ABCC8: variants seen among roughly 807,000 people sequenced by gnomAD.
ABCC8 encodes the protein ATP-binding cassette sub-family C member 8.
A neutral mutation model predicts 188.0 loss-of-function variants in ABCC8; 137 were observed. The ratio of observed to expected loss-of-function variants is 0.73; its 90% CI spans 0.63 to 0.84. The LOEUF is 0.84. Among genes scored for constraint, ABCC8 ranks in the 40% least tolerant of loss-of-function variants. The pLI, the probability that ABCC8 is intolerant of heterozygous loss-of-function variation, is 0.00. For missense variants in ABCC8, 1,750 were observed against 2,072.7 expected, an observed-to-expected ratio of 0.84 and a Z score of 3.02; for synonymous variants, 797 against 846.5, an observed-to-expected ratio of 0.94 and a Z score of 1.01.
rs758754046 is a variant in ABCC8 at position 17,463,523 on chromosome 11, G to T, written c.494C>A (p.Ser165Ter). The change falls in exon 4 of 39, where the codon TCG becomes TAG. Residue 165 changes from serine to a stop codon, truncating the protein, a stop_gained. Transcript: ENST00000389817. LOFTEE classifies it high-confidence loss of function. ...CCCTGTGAGGCAGAAGCGTAGCTGC[G>T]AGAAGCCGATGGCGTGGTCCAAGAA... ...VKFLDHAIGF[S>*]QLRFCLTGLL... 1 of 1,599,582 alleles carries T rather than the reference G, an allele frequency of 6.3e-7. No individual in the cohort carries two copies. The highest frequency in any genetic ancestry group is 8.5e-7 in the Non-Finnish European group (1 of 1,173,382).
rs764495675 is a variant in ABCC8, at chr11:17,427,136, A to G, written c.2135T>C (p.Val712Ala). 4 of 1,613,306 alleles carry G rather than the reference A, an allele frequency of 2.5e-6. No homozygotes were observed. The highest frequency in any genetic ancestry group is 3.4e-6 in the Non-Finnish European group (4 of 1,179,688). The stretch of plus-strand genomic sequence containing the variant: ...GGACTTGCCGCAGCCCACCTGCCCC[A>G]CGATCATAGTCAGCTGGCCTGCAGG... ...RIPRGQLTMIVGQVGCGKSSL... is the reference protein window; with the variant it reads ...RIPRGQLTMIAGQVGCGKSSL... The change falls in exon 16 of 39, where the codon GTG becomes GCG. Residue 712 changes from valine to alanine, a missense_variant. Physicochemically the swap from Val to Ala is moderately conservative, Grantham distance 64 (BLOSUM62 0). Coordinates refer to ENST00000389817, the MANE Select transcript of ABCC8 (RefSeq NM_000352.6). This position sits in a 1 kb window ranked among gnomAD's most constrained non-coding sequence, Gnocchi z 5.0.
At chr11:17,397,893 C>T (rs1954027346) in intron 30 of ABCC8, 96 bp from the exon 31 acceptor site, 3 of 1,542,922 alleles carry the variant, frequency 1.9e-6, no homozygotes. Context: ...GCAGCTCAGC[C>T]AGGCCTCCAC....
At chr11:17,415,956 G>C (rs1462790084) in intron 17 of ABCC8, among the ~76,000 whole-genome samples, 1 of 152,208 alleles carries the variant, frequency 6.6e-6, no homozygotes, top group Non-Finnish European at 1.5e-5. Flanking sequence ...AGCTGCTCCC[G>C]TGTCAAATAT....
At chr11:17,439,890 A>T (rs937995038) in intron 10 of ABCC8, among the ~76,000 whole-genome samples, 2 of 152,092 alleles carry the variant, frequency 1.3e-5, no homozygotes, top group African/African-American at 4.8e-5. Flanking sequence ...CAGGCCCATC[A>T]CAAAGCCACG....
At chr11:17,431,464 G>A (rs939294790) in intron 11 of ABCC8, among the ~76,000 whole-genome samples, 16 of 152,218 alleles carry the variant, frequency 1.1e-4, no homozygotes, top group African/African-American at 3.4e-4. Flanking sequence ...AAGTGTATCC[G>A]ACAGGCTGTG....
At chr11:17,463,934 T>C (rs1351837205) in intron 3 of ABCC8, among the ~76,000 whole-genome samples, 1 of 152,244 alleles carries the variant, frequency 6.6e-6, no homozygotes, top group Non-Finnish European at 1.5e-5. Context: ...AAGTAAGCAC[T>C]TTAAACACAT....
intron 21 of ABCC8, among the ~76,000 whole-genome samples, chr11:17,411,514 G>A (rs1323603543): frequency 6.6e-6 from 1 of 151,914 alleles, no homozygotes; most frequent in South Asian, 2.1e-4. Context: ...GAGTGCTTGT[G>A]CGTGTGGTGT....
intron 6 of ABCC8, 60 bp from the exon 7 acceptor site, chr11:17,453,343 C>T: frequency 6.2e-7 from 1 of 1,603,344 alleles, no homozygotes; most frequent in Non-Finnish European, 8.5e-7. Flanking sequence ...CACCGTAGAA[C>T]ACATCACTGT....
chr11:17,452,771 T>G (rs2057661), intron 7 of ABCC8, among the ~76,000 whole-genome samples: 69,939 of 152,060 alleles, frequency 0.46, 17,364 homozygotes, highest in African/African-American at 0.66. Flanking sequence ...GAACAGCCAC[T>G]TAGAGAGGAT....
chr11:17,450,324 T>TTCTTTCTC (rs1247575910), intron 7 of ABCC8, among the ~76,000 whole-genome samples: 152 of 75,674 alleles, frequency 2.0e-3, no homozygotes, highest in East Asian at 3.7e-3. Flanking sequence ...CTTTCTTTCT[T>TTCTTTCTC]TCTCTCTCTC....
intron 16 of ABCC8, among the ~76,000 whole-genome samples, chr11:17,425,570 G>A (rs1017253229): frequency 2.6e-5 from 4 of 152,174 alleles, no homozygotes; most frequent in African/African-American, 9.6e-5. Context: ...AGGGCACAGA[G>A]CCAGGTTTTA....
intron 10 of ABCC8, chr11:17,435,957 A>G: frequency 1.3e-6 from 2 of 1,579,398 alleles, no homozygotes; most frequent in Non-Finnish European, 1.7e-6. Context: ...TCAAAGCAAT[A>G]CCAGTGCCAC....
At chr11:17,402,320 C>A (rs899663766) in intron 29 of ABCC8, among the ~76,000 whole-genome samples, 3 of 152,144 alleles carry the variant, frequency 2.0e-5, no homozygotes, top group African/African-American at 7.2e-5. Context: ...CACACAGGGG[C>A]TCCTTAATAA....
intron 22 of ABCC8, among the ~76,000 whole-genome samples, chr11:17,409,873 T>G (rs570586513): frequency 1.3e-5 from 2 of 152,134 alleles, no homozygotes; most frequent in Non-Finnish European, 2.9e-5. Context: ...TTGAAGTTTC[T>G]TTCTTTCTTT....
intron 23 of ABCC8, 85 bp downstream of exon 23, chr11:17,408,307 G>A: frequency 7.4e-7 from 1 of 1,350,972 alleles, no homozygotes; most frequent in Non-Finnish European, 1.0e-6. Flanking sequence ...GGGGCACTAA[G>A]GACAGGAAGA....
Position 17,407,405 on chromosome 11 carries a change from G to T in ABCC8, c.2869C>A (p.Arg957Ser). The T allele has an allele frequency of 1.2e-6, 2 of 1,614,144 alleles. No individual in the cohort carries two copies. Among genetic ancestry groups the T allele is most frequent in the Non-Finnish European group, 8.5e-7 (1 of 1,180,026 alleles). ...KATEPPQGLS[R>S]AMSSRDGLLQ... ...AGGCCATCCCTCGAGGACATGGCAC[G>T]AGATAGGCCCTGGGGTGGCTCTGTG... Residue 957 changes from arginine (R) to serine (S), a missense_variant, in exon 24 of 39, where the codon CGT (arginine) becomes AGT (serine). Arg to Ser is a moderately radical substitution (Grantham distance 110, BLOSUM62 -1). Transcript: ENST00000389817.
chr11:17,466,401 A>G (rs1166418460), intron 3 of ABCC8, among the ~76,000 whole-genome samples: 1 of 149,630 alleles, frequency 6.7e-6, no homozygotes, highest in Non-Finnish European at 1.5e-5. Context: ...TCCATCTCAA[A>G]AAAAAAAAAA....
rs1954872900 is a variant in ABCC8 at position 17,412,697 on chromosome 11, G to A, written c.2525C>T (p.Ala842Val). 1 of 1,612,096 alleles carries A rather than the reference G, an allele frequency of 6.2e-7. No individual in the cohort carries two copies. Among genetic ancestry groups the A allele is most frequent in the Admixed American group, 1.7e-5 (1 of 59,852 alleles). The change falls in exon 21 of 39, where the codon GCC (alanine) becomes GTC (valine). Residue 842 changes from alanine (A) to valine (V), a missense_variant. Ala to Val is a moderately conservative substitution (Grantham distance 64). Coordinates refer to ENST00000389817, the MANE Select transcript of ABCC8 (RefSeq NM_000352.6). ...GQRQRISVARALYQHANVVFL... is the reference protein window; with the variant it reads ...GQRQRISVARVLYQHANVVFL... ...GACAACGTTGGCGTGCTGGTAGAGG[G>A]CTCGGGCCACACTGATTCGCTGGCG...
chr11:17,405,466 G>T, intron 27 of ABCC8, 28 bp downstream of exon 27: 2 of 1,614,118 alleles, frequency 1.2e-6, no homozygotes, highest in Non-Finnish European at 1.7e-6. Context: ...CTCTGGAAGG[G>T]GGGATAGTGT....
Sources: allele counts gnomAD v4.1 joint callset (sites outside exome capture counted in the v4.1 genomes callset), GRCh38; gene constraint gnomAD v4.1.1; non-coding constraint Gnocchi (gnomAD v3.1); transcripts MANE v1.5; gene names NCBI Gene and HGNC (gene_info 2026-07-23, HGNC 2026-07-21).